The following AGBL1 variants were observed in gnomAD, a reference collection of about 807,000 sequenced individuals.
The protein encoded by AGBL1 is AGBL carboxypeptidase 1, also known as cytosolic carboxypeptidase 4.
In AGBL1, 130 loss-of-function variants were observed where a neutral mutation model predicts 118.9. That is an observed-to-expected ratio of 1.09 (90% CI 0.95 to 1.26). The LOEUF is 1.26. Among genes scored for constraint, AGBL1 ranks in the 50% most tolerant of loss-of-function variants. AGBL1 has a pLI of 0.00. For missense variants in AGBL1, 1,584 were observed against 1,298.1 expected, an observed-to-expected ratio of 1.22 and a Z score of -3.38; for synonymous variants, 555 against 478.9, an observed-to-expected ratio of 1.16 and a Z score of -2.08.
intron 21 of AGBL1, among the ~76,000 whole-genome samples, chr15:86,644,179 G>A (rs1282685112): frequency 6.6e-6 from 1 of 151,838 alleles, no homozygotes; most frequent in Non-Finnish European, 1.5e-5. Flanking sequence ...GTGAAAGTAG[G>A]GAATTAAAGC....
chr15:86,086,198 A>G (rs1895638717), intron 1 of AGBL1: 1 of 152,218 alleles, frequency 6.6e-6, no homozygotes, highest in South Asian at 2.1e-4. Context: ...ACACAGCCCC[A>G]GTTCCAGCCC....
intron 1 of AGBL1, among the ~76,000 whole-genome samples, chr15:86,133,206 C>T (rs572445695): frequency 2.6e-5 from 4 of 152,134 alleles, no homozygotes; most frequent in African/African-American, 7.2e-5. Context: ...CTCCCTCTAC[C>T]TCTCTCTTTC....
chr15:86,845,806 T>C (rs1412874654), intron 22 of AGBL1, among the ~76,000 whole-genome samples: 1 of 152,230 alleles, frequency 6.6e-6, no homozygotes, highest in African/African-American at 2.4e-5. Flanking sequence ...TTTGGTAAAT[T>C]GTGTTTGGTA....
At chr15:86,614,375 T>A (rs904310539) in intron 21 of AGBL1, among the ~76,000 whole-genome samples, 2 of 152,236 alleles carry the variant, frequency 1.3e-5, no homozygotes, top group Non-Finnish European at 2.9e-5. Context: ...ATACTCCACC[T>A]TGTTCTATTG....
At chr15:86,157,010 G>A (rs2077201875) in intron 4 of AGBL1, among the ~76,000 whole-genome samples, 1 of 151,898 alleles carries the variant, frequency 6.6e-6, no homozygotes, top group Non-Finnish European at 1.5e-5. Context: ...GGCTGGTCTT[G>A]AACTCCTGAC....
intron 22 of AGBL1, among the ~76,000 whole-genome samples, chr15:86,818,183 C>CT (rs1215375896): frequency 6.6e-6 from 1 of 152,130 alleles, no homozygotes; most frequent in East Asian, 1.9e-4. Flanking sequence ...GCCTCCAGAG[C>CT]TATAAGATAA....
chr15:86,481,507 T>C (rs938071339), intron 18 of AGBL1, among the ~76,000 whole-genome samples: 9 of 152,096 alleles, frequency 5.9e-5, no homozygotes, highest in African/African-American at 2.2e-4. Context: ...TGAGCTTGGG[T>C]TGGAATATGC....
At chr15:86,199,506 A>T (rs1480774024) in intron 5 of AGBL1, among the ~76,000 whole-genome samples, 2 of 152,188 alleles carry the variant, frequency 1.3e-5, no homozygotes, top group Non-Finnish European at 2.9e-5. Flanking sequence ...ACTAATGAAT[A>T]CCCATGTGCT....
At chr15:86,872,254 AAT>A (rs2079740519) in intron 22 of AGBL1, among the ~76,000 whole-genome samples, 1 of 152,138 alleles carries the variant, frequency 6.6e-6, no homozygotes, top group South Asian at 2.1e-4. Context: ...TTTCCTCCTT[AAT>A]AGATTTTATG....
intron 24 of AGBL1, among the ~76,000 whole-genome samples, chr15:86,997,294 C>T (rs919281086): frequency 6.6e-6 from 1 of 152,130 alleles, no homozygotes; most frequent in Non-Finnish European, 1.5e-5. Context: ...ATTACAGTCA[C>T]CAGGTCCTGG....
intron 22 of AGBL1, among the ~76,000 whole-genome samples, chr15:86,783,122 T>G (rs542414949): frequency 2.6e-5 from 4 of 152,344 alleles, no homozygotes; most frequent in African/African-American, 9.6e-5. Flanking sequence ...CCAGTTGTTA[T>G]AAGAAGTTAT....
At chr15:86,707,859 T>C (rs1341321185) in intron 22 of AGBL1, among the ~76,000 whole-genome samples, 1 of 152,108 alleles carries the variant, frequency 6.6e-6, no homozygotes, top group African/African-American at 2.4e-5. Context: ...TTAACCAATC[T>C]TTAAAGGGGC....
chr15:86,238,159 C>T (rs1222761361), intron 6 of AGBL1, among the ~76,000 whole-genome samples: 1 of 152,144 alleles, frequency 6.6e-6, no homozygotes, highest in African/African-American at 2.4e-5. Context: ...TATCACTTGT[C>T]TCTATGTGAA....
intron 18 of AGBL1, among the ~76,000 whole-genome samples, chr15:86,467,319 C>T (rs1164970333): frequency 6.6e-6 from 1 of 152,162 alleles, no homozygotes; most frequent in Non-Finnish European, 1.5e-5. Context: ...GGACACTCCT[C>T]CCCCCACCAA....
At chr15:86,552,992 C>A (rs1435042328) in intron 20 of AGBL1, among the ~76,000 whole-genome samples, 1 of 151,922 alleles carries the variant, frequency 6.6e-6, no homozygotes, top group Non-Finnish European at 1.5e-5. Context: ...AACATGAGGA[C>A]AGTAAGTACC....
At chr15:86,535,292 T>C (rs2083410081) in intron 19 of AGBL1, among the ~76,000 whole-genome samples, 1 of 152,150 alleles carries the variant, frequency 6.6e-6, no homozygotes, top group African/African-American at 2.4e-5. Flanking sequence ...ATTGAACCAG[T>C]TTCCCTTTGT....
intron 1 of AGBL1, among the ~76,000 whole-genome samples, chr15:86,110,989 G>C (rs995440896): frequency 6.6e-6 from 1 of 152,214 alleles, no homozygotes; most frequent in Admixed American, 6.5e-5. Context: ...AATGTGACAG[G>C]CCTATCTTTT....
chr15:86,965,796 T>C (rs781249809), intron 23 of AGBL1, among the ~76,000 whole-genome samples: 12 of 151,448 alleles, frequency 7.9e-5, no homozygotes, highest in South Asian at 6.3e-4. Context: ...TAAGTGGGAG[T>C]TGAACAATGA....
intron 5 of AGBL1, among the ~76,000 whole-genome samples, chr15:86,214,403 C>T (rs1055831169): frequency 1.3e-5 from 2 of 152,146 alleles, no homozygotes; most frequent in African/African-American, 4.8e-5. Flanking sequence ...TTCTATTTTG[C>T]ATATATATGC....
Sources: gnomAD v4.1 joint callset for allele counts (sites outside exome capture counted in the v4.1 genomes callset) on GRCh38, gnomAD v4.1.1 for gene constraint, MANE v1.5 for transcripts, NCBI Gene and HGNC (gene_info 2026-07-23, HGNC 2026-07-21) for gene names.